DGKB: variants seen among roughly 807,000 people sequenced by gnomAD.
DGKB encodes 90 kDa diacylglycerol kinase.
Under a neutral mutation model 114.3 loss-of-function variants are expected in DGKB, and 67 were observed. The observed-to-expected ratio is 0.59, with a 90% confidence interval of 0.48 to 0.72. DGKB has a LOEUF of 0.72. Ranked by LOEUF, DGKB falls within the 30% of genes least tolerant of loss-of-function variation. DGKB has a pLI of 0.00. For synonymous variants in DGKB, 398 were observed against 323.1 expected (o/e 1.23, Z -2.49); for missense variants, 907 against 975.2 (o/e 0.93, Z 0.93).
At chr7:14,303,982 TTC>T (rs778513025) in intron 23 of DGKB, among the ~76,000 whole-genome samples, 36 of 151,424 alleles carry the variant, frequency 2.4e-4, no homozygotes, top group Non-Finnish European at 5.0e-4. Context: ...GATAATGCAC[TTC>T]TCTCTTTTAT....
chr7:14,858,549 T>A (rs1216789517), intron 1 of DGKB, among the ~76,000 whole-genome samples: 1 of 152,066 alleles, frequency 6.6e-6, no homozygotes, highest in African/African-American at 2.4e-5. Context: ...ACAAACAAGA[T>A]TTGTTAAGTG....
chr7:14,890,485 C>A (rs1440263193), intron 1 of DGKB, among the ~76,000 whole-genome samples: 1 of 151,284 alleles, frequency 6.6e-6, no homozygotes, highest in East Asian at 1.9e-4. Context: ...GGGGATAGGG[C>A]TGTAAGAAAT....
intron 17 of DGKB, among the ~76,000 whole-genome samples, chr7:14,607,188 AATATCATCATT>A (rs1228899080): frequency 8.0e-6 from 1 of 124,412 alleles, no homozygotes; most frequent in Non-Finnish European, 1.8e-5. Context: ...GTGTGAGATT[AATATCATCATT>A]AGTACAATAA....
intron 23 of DGKB, among the ~76,000 whole-genome samples, chr7:14,326,067 CTTT>C (rs72334706): frequency 3.7e-5 from 5 of 134,834 alleles, no homozygotes; most frequent in South Asian, 2.4e-4. Context: ...TCACAGATTT[CTTT>C]TTTTTTTTTT....
intron 17 of DGKB, among the ~76,000 whole-genome samples, chr7:14,595,778 G>A (rs996085324): frequency 3.6e-4 from 54 of 151,942 alleles, no homozygotes; most frequent in African/African-American, 1.3e-3. Flanking sequence ...TATTTGTACT[G>A]AGGTTAAAAG....
intron 23 of DGKB, among the ~76,000 whole-genome samples, chr7:14,315,908 A>G (rs1271000368): frequency 1.3e-5 from 2 of 151,756 alleles, no homozygotes; most frequent in East Asian, 3.9e-4. Flanking sequence ...GCAAATGTAA[A>G]AGAACAGAAA....
At chr7:14,970,465 A>T (rs557027113) in intron 1 of DGKB, among the ~76,000 whole-genome samples, 57 of 151,662 alleles carry the variant, frequency 3.8e-4, no homozygotes, top group African/African-American at 1.2e-3. Flanking sequence ...AGTAAAAATT[A>T]AAAAAAAAGA....
intron 20 of DGKB, among the ~76,000 whole-genome samples, chr7:14,555,970 T>C (rs965455056): frequency 1.1e-4 from 17 of 152,334 alleles, no homozygotes; most frequent in African/African-American, 4.1e-4. Context: ...GCTCTGTCTA[T>C]GGAGTAGCCA....
intron 21 of DGKB, among the ~76,000 whole-genome samples, chr7:14,355,402 T>C (rs1189957258): frequency 6.6e-6 from 1 of 152,220 alleles, no homozygotes; most frequent in Non-Finnish European, 1.5e-5. Context: ...CAGTATGATA[T>C]TGGCTGTGGA....
chr7:14,373,741 G>A (rs988344217), intron 21 of DGKB, among the ~76,000 whole-genome samples: 1 of 152,006 alleles, frequency 6.6e-6, no homozygotes, highest in Non-Finnish European at 1.5e-5. Flanking sequence ...AGGAGAGAAG[G>A]GATAGTTCTT....
chr7:14,808,313 T>C (rs963339173), intron 2 of DGKB, among the ~76,000 whole-genome samples: 2 of 152,010 alleles, frequency 1.3e-5, no homozygotes, highest in African/African-American at 4.8e-5. Flanking sequence ...GAAAATCCTA[T>C]ACAAAACTAA....
At chr7:14,475,972 G>A (rs1411404485) in intron 21 of DGKB, among the ~76,000 whole-genome samples, 1 of 151,948 alleles carries the variant, frequency 6.6e-6, no homozygotes, top group Non-Finnish European at 1.5e-5. Context: ...CACATAGGTT[G>A]TCAAATATGA....
rs570902191 is a variant in DGKB, at chr7:14,947,828, G to A, written c.-188+26868C>T. 2.2e-4 allele frequency among the ~76,000 whole-genome samples: 34 copies of A among 151,592 alleles called. 1 individual carries two copies. Among genetic ancestry groups the A allele is most frequent in the African/African-American group, 7.7e-4 (32 of 41,432 alleles). ...AATTCCAACATATCCGTTATCATTCGTCTACTACTTTCATTGCAGAACTTC... is the reference window on the plus strand; with the variant it reads ...AATTCCAACATATCCGTTATCATTCATCTACTACTTTCATTGCAGAACTTC... On this transcript the variant is annotated intron_variant, in intron 1 of 4. Coordinates refer to the DGKB transcript ENST00000437998.
chr7:14,668,459 T>C (rs905150849), intron 13 of DGKB, among the ~76,000 whole-genome samples: 9 of 152,162 alleles, frequency 5.9e-5, no homozygotes, highest in Admixed American at 3.9e-4. Flanking sequence ...GCTCCACTTC[T>C]AAATTGCCAT....
intron 1 of DGKB, among the ~76,000 whole-genome samples, chr7:14,917,702 T>A (rs554416065): frequency 3.3e-5 from 5 of 151,936 alleles, no homozygotes; most frequent in African/African-American, 1.2e-4. Context: ...AAGGAAGAAA[T>A]AATACCAATT....
intron 1 of DGKB, among the ~76,000 whole-genome samples, chr7:14,897,028 G>A (rs543823121): frequency 6.6e-6 from 1 of 151,874 alleles, no homozygotes; most frequent in East Asian, 1.9e-4. Context: ...CTCTATTGAT[G>A]GAACTCTAAA....
intron 13 of DGKB, among the ~76,000 whole-genome samples, chr7:14,642,604 T>C (rs1204628152): frequency 1.3e-5 from 2 of 152,280 alleles, no homozygotes; most frequent in Admixed American, 6.5e-5. Flanking sequence ...TTTTCTCTAA[T>C]TGAATACAAT....
At chr7:14,216,766 C>T (rs1789049996) in intron 23 of DGKB, among the ~76,000 whole-genome samples, 1 of 148,918 alleles carries the variant, frequency 6.7e-6, no homozygotes, top group South Asian at 2.1e-4. Context: ...ATAGCAAGTT[C>T]CCTCTTTTGT....
chr7:14,259,538 T>G (rs1226205694), intron 23 of DGKB, among the ~76,000 whole-genome samples: 1 of 152,150 alleles, frequency 6.6e-6, no homozygotes, highest in Non-Finnish European at 1.5e-5. Flanking sequence ...GTCATTCTCC[T>G]GCCTCAGCCT....
Sources: gnomAD v4.1 joint callset for allele counts (sites outside exome capture counted in the v4.1 genomes callset) on GRCh38, gnomAD v4.1.1 for gene constraint, MANE v1.5 for transcripts, NCBI Gene and HGNC (gene_info 2026-07-23, HGNC 2026-07-21) for gene names.